ADGRL3: variants seen among roughly 807,000 people sequenced by gnomAD.
The protein encoded by ADGRL3 is adhesion G protein-coupled receptor L3.
A neutral mutation model predicts 153.5 loss-of-function variants in ADGRL3; 62 were observed. The ratio of observed to expected loss-of-function variants is 0.40; its 90% CI spans 0.33 to 0.50. The LOEUF (loss-of-function observed/expected upper bound fraction) is 0.50. Ranked by LOEUF, ADGRL3 falls within the 20% of genes least tolerant of loss-of-function variation. ADGRL3 has a pLI of 0.47. For missense variants in ADGRL3, 1,641 were observed against 1,859.4 expected, an observed-to-expected ratio of 0.88 and a Z score of 2.16; for synonymous variants, 710 against 672.5, an observed-to-expected ratio of 1.06 and a Z score of -0.86.
intron 1 of ADGRL3, among the ~76,000 whole-genome samples, chr4:61,206,638 C>T (rs916030038): frequency 6.6e-6 from 1 of 152,042 alleles, no homozygotes; most frequent in East Asian, 1.9e-4. Flanking sequence ...TTAGAATTTT[C>T]CCAGTTTATC....
chr4:61,263,373 A>C (rs2149639854), intron 1 of ADGRL3, among the ~76,000 whole-genome samples: 1 of 151,864 alleles, frequency 6.6e-6, no homozygotes, highest in Admixed American at 6.6e-5. Flanking sequence ...TAATGGGGAG[A>C]AACCTGGTAA....
intron 11 of ADGRL3, 66 bp downstream of exon 11, chr4:61,895,900 T>C: frequency 1.2e-6 from 1 of 866,382 alleles, no homozygotes; most frequent in Non-Finnish European, 1.7e-6. Context: ...ATGATAGCTG[T>C]TGGAAAAAAA....
intron 9 of ADGRL3, among the ~76,000 whole-genome samples, chr4:61,823,531 GATT>G (rs2097774102): frequency 1.3e-5 from 2 of 152,174 alleles, no homozygotes; most frequent in Admixed American, 6.5e-5. Context: ...ACTTGACATG[GATT>G]ATTATTTCAT....
intron 1 of ADGRL3, among the ~76,000 whole-genome samples, chr4:61,224,444 T>C (rs1225669618): frequency 2.6e-5 from 4 of 152,238 alleles, no homozygotes; most frequent in African/African-American, 9.6e-5. Context: ...AATTTATTGC[T>C]TCTTACTAAA....
At chr4:61,617,158 G>A (rs1223545833) in intron 5 of ADGRL3, among the ~76,000 whole-genome samples, 2 of 152,232 alleles carry the variant, frequency 1.3e-5, no homozygotes, top group East Asian at 1.9e-4. Flanking sequence ...ATTTGGTCAC[G>A]AAATTCAGGT....
chr4:61,364,720 A>ATG (rs2096363414), intron 1 of ADGRL3, among the ~76,000 whole-genome samples: 1 of 152,208 alleles, frequency 6.6e-6, no homozygotes, highest in South Asian at 2.1e-4. Context: ...GAGTCACCAA[A>ATG]TGTACAAACA....
chr4:61,965,593 C>CA lies in ADGRL3; in HGVS notation c.2806-13962dup, dbSNP rs879346186. Among the ~76,000 whole-genome samples, 259 of 151,376 alleles carry CA rather than the reference C, an allele frequency of 1.7e-3. 1 individual carries two copies. The highest frequency in any genetic ancestry group is 5.8e-3 in the African/African-American group (241 of 41,320). ...TGAAACCCCATCTCTACTAAAAATA[C>CA]AAAAAAAATTAGCCAGGCTTGGTGG... On this transcript the variant is annotated intron_variant, in intron 17 of 26. Coordinates refer to ENST00000683033, the MANE Select transcript of ADGRL3 (RefSeq NM_001387552.1).
intron 5 of ADGRL3, among the ~76,000 whole-genome samples, chr4:61,593,172 T>C (rs867112285): frequency 2.0e-5 from 3 of 152,158 alleles, no homozygotes; most frequent in African/African-American, 7.2e-5. Context: ...TTTTAACATT[T>C]TGTTGTTTCT....
chr4:61,701,140 G>T (rs1330490014), intron 6 of ADGRL3, among the ~76,000 whole-genome samples: 1 of 152,142 alleles, frequency 6.6e-6, no homozygotes, highest in Non-Finnish European at 1.5e-5. Context: ...ACAAAAAGTT[G>T]TAAAATCTAG....
chr4:61,838,329 G>T (rs886522762), intron 9 of ADGRL3, among the ~76,000 whole-genome samples: 1 of 152,234 alleles, frequency 6.6e-6, no homozygotes, highest in South Asian at 2.1e-4. Context: ...GTTTACAGTG[G>T]TTTAAAATTA....
intron 1 of ADGRL3, among the ~76,000 whole-genome samples, chr4:61,281,580 A>G (rs1479522364): frequency 1.3e-5 from 2 of 152,120 alleles, no homozygotes; most frequent in Non-Finnish European, 2.9e-5. Context: ...CAGAATTTAT[A>G]CTTCTGAATC....
At chr4:62,019,612 G>A (rs1052167409) in intron 21 of ADGRL3, among the ~76,000 whole-genome samples, 10 of 151,814 alleles carry the variant, frequency 6.6e-5, no homozygotes, top group African/African-American at 2.4e-4. Flanking sequence ...ATTTGAATTA[G>A]GAATAATTAT....
intron 9 of ADGRL3, among the ~76,000 whole-genome samples, chr4:61,860,901 C>T (rs1345565166): frequency 6.6e-6 from 1 of 152,096 alleles, no homozygotes; most frequent in Admixed American, 6.5e-5. Context: ...GTGATAGAGC[C>T]AGGATAGGAA....
intron 1 of ADGRL3, among the ~76,000 whole-genome samples, chr4:61,315,992 A>G (rs1560464817): frequency 6.6e-6 from 1 of 152,210 alleles, no homozygotes; most frequent in Non-Finnish European, 1.5e-5. Flanking sequence ...GGATATAACA[A>G]TAAACAAATT....
At chr4:61,601,515 G>T (rs1446673752) in intron 5 of ADGRL3, among the ~76,000 whole-genome samples, 2 of 152,048 alleles carry the variant, frequency 1.3e-5, no homozygotes, top group Admixed American at 6.5e-5. Context: ...CATAGTTTTG[G>T]GAACAAGTTT....
intron 2 of ADGRL3, among the ~76,000 whole-genome samples, chr4:61,413,991 A>G (rs776217634): frequency 1.1e-4 from 17 of 152,196 alleles, no homozygotes; most frequent in Non-Finnish European, 2.5e-4. Context: ...TACATATTTG[A>G]CAGTTGTGTA....
chr4:61,593,220 T>C (rs954146533), intron 5 of ADGRL3, among the ~76,000 whole-genome samples: 6 of 152,204 alleles, frequency 3.9e-5, no homozygotes, highest in African/African-American at 1.4e-4. Context: ...CTTGAAAAGT[T>C]GCTCTAGTTA....
chr4:61,221,179 A>G (rs557215426), intron 1 of ADGRL3, among the ~76,000 whole-genome samples: 61 of 152,324 alleles, frequency 4.0e-4, no homozygotes, highest in African/African-American at 1.4e-3. Context: ...ATAAACGTGT[A>G]TTAATAATTA....
chr4:61,823,406 C>A (rs1581007513), intron 9 of ADGRL3, among the ~76,000 whole-genome samples: 1 of 152,276 alleles, frequency 6.6e-6, no homozygotes, highest in East Asian at 1.9e-4. Context: ...ATATGACTCC[C>A]TCTCTTATAA....
Sources: gnomAD v4.1 joint callset for allele counts (sites outside exome capture counted in the v4.1 genomes callset) on GRCh38, gnomAD v4.1.1 for gene constraint, MANE v1.5 for transcripts, NCBI Gene and HGNC (gene_info 2026-07-23, HGNC 2026-07-21) for gene names.